The following GPATCH8 variants were observed in gnomAD, a reference collection of about 807,000 sequenced individuals.
GPATCH8 encodes G-patch domain containing 8.
Under a neutral mutation model 118.3 loss-of-function variants are expected in GPATCH8, and 18 were observed. The ratio of observed to expected loss-of-function variants is 0.15; its 90% confidence interval spans 0.11 to 0.23. GPATCH8 has a LOEUF of 0.23. Ranked by LOEUF, GPATCH8 falls within the 10% of genes least tolerant of loss-of-function variation. GPATCH8 has a pLI of 1.00. For synonymous variants in GPATCH8, 659 were observed against 684.7 expected, an observed-to-expected ratio of 0.96 and a Z score of 0.59; for missense variants, 1,631 against 1,873.8, an observed-to-expected ratio of 0.87 and a Z score of 2.39.
Position 44,398,796 on chromosome 17 carries a change from A to C in GPATCH8, c.3281T>G (p.Leu1094Arg). 6.2e-7 allele frequency: 1 copy of C among 1,613,980 alleles called. No individual in the cohort carries two copies. Among genetic ancestry groups the C allele is most frequent in the Non-Finnish European group, 8.5e-7 (1 of 1,179,880 alleles). The change falls in exon 8 of 8, where the codon CTG becomes CGG. Residue 1094 changes from leucine (L) to arginine (R), a missense_variant. Transcript: ENST00000591680. ...CACTTTCCTTGACTGGATCTTCTCC[A>C]GTAGCAGTTTGGCAGTGACAGAGTT... ...DKNSVTAKLL[L>R]EKIQSRKVER...
At chr17:44,463,242 G>C (rs1491000050) in intron 3 of GPATCH8, among the ~76,000 whole-genome samples, 2 of 151,990 alleles carry the variant, frequency 1.3e-5, no homozygotes, top group African/African-American at 2.4e-5. Flanking sequence ...CAACACACTT[G>C]AATTGATCAG....
At chr17:44,423,087 A>T (rs2049971865) in intron 6 of GPATCH8, among the ~76,000 whole-genome samples, 1 of 151,924 alleles carries the variant, frequency 6.6e-6, no homozygotes, top group Admixed American at 6.6e-5. Flanking sequence ...CTAAAAATAC[A>T]AAAATTAGCT....
At position 44,429,713 on chromosome 17, in the gene GPATCH8, A is replaced by C. The variant is rs112708861; in HGVS notation, c.349-5221T>G. Reference sequence around the variant, plus strand: ...AACAACAAACAAACAAACAAACAAAAACCAGCTGAGCATGGTGGCACGTGT... The same window carrying C: ...AACAACAAACAAACAAACAAACAAACACCAGCTGAGCATGGTGGCACGTGT... On this transcript the variant is annotated intron_variant, in intron 5 of 7. Coordinates refer to ENST00000591680, the MANE Select transcript of GPATCH8 (RefSeq NM_001002909.4). 4.2e-3 allele frequency among the ~76,000 whole-genome samples: 625 copies of C among 148,322 alleles called. 9 individuals carry two copies. The highest frequency in any genetic ancestry group is 0.014 in the African/African-American group (570 of 39,928).
rs1003265807 is a variant in GPATCH8 at position 44,503,020 on chromosome 17, G to T, written c.45+306C>A. 3.9e-5 allele frequency among the ~76,000 whole-genome samples: 6 copies of T among 152,190 alleles called. No individual in the cohort carries two copies. The South Asian group carries it at 1.2e-3, about 31-fold the overall frequency. The stretch of plus-strand genomic sequence containing the variant: ...TGGGAGCCAGCCCTTCGCCGGCACA[G>T]ATCGGGCAGACCTGGAGGGCACAGC... On this transcript the variant is annotated intron_variant, in intron 1 of 7. Coordinates refer to ENST00000591680, the MANE Select transcript of GPATCH8 (RefSeq NM_001002909.4).
chr17:44,401,537 T>C (rs1311945906), intron 7 of GPATCH8, 84 bp from the exon 8 acceptor site: 7 of 876,182 alleles, frequency 8.0e-6, no homozygotes, highest in Admixed American at 5.1e-5. Flanking sequence ...TAATCTCTTA[T>C]ATCCTATCAT....
chr17:44,406,500 G>GGC (rs1555622815), intron 6 of GPATCH8, among the ~76,000 whole-genome samples: 1 of 129,084 alleles, frequency 7.7e-6, no homozygotes, highest in African/African-American at 2.9e-5. Context: ...CTTACATGGG[G>GGC]GGGGGGGGTT....
At chr17:44,421,224 C>A (rs2049888769) in intron 6 of GPATCH8, among the ~76,000 whole-genome samples, 1 of 151,802 alleles carries the variant, frequency 6.6e-6, no homozygotes, top group Admixed American at 6.6e-5. Context: ...GCCTGTAATT[C>A]CAGCTACTCT....
Position 44,398,279 on chromosome 17 carries a change from C to T in GPATCH8, c.3798G>A (p.Glu1266=). 6.2e-7 allele frequency: 1 copy of T among 1,613,592 alleles called. No homozygotes were observed. Among genetic ancestry groups the T allele is most frequent in the Non-Finnish European group, 8.5e-7 (1 of 1,179,700 alleles). The part of the protein sequence containing the change: ...LDSSSQPGPV[E]SSLLPIAPDL... ...CTGGTGCTATAGGCAGCAAGCTGGACTCCACAGGGCCTGGCTGACTGCTGC... is the reference window on the plus strand; with the variant it reads ...CTGGTGCTATAGGCAGCAAGCTGGATTCCACAGGGCCTGGCTGACTGCTGC... The change falls in exon 8 of 8, where the codon GAG becomes GAA. Residue 1266 remains glutamate (E), a synonymous_variant. Transcript: ENST00000591680.
chr17:44,448,629 C>T (rs1266274687), intron 3 of GPATCH8, among the ~76,000 whole-genome samples: 1 of 150,922 alleles, frequency 6.6e-6, no homozygotes, highest in Non-Finnish European at 1.5e-5. Flanking sequence ...CCCTTTTGCT[C>T]ACTTAAGAAG....
At chr17:44,459,568 T>C (rs910174590) in intron 3 of GPATCH8, among the ~76,000 whole-genome samples, 5 of 152,150 alleles carry the variant, frequency 3.3e-5, no homozygotes, top group African/African-American at 9.7e-5. Flanking sequence ...ACCAAGTACT[T>C]TTACACAAAA....
intron 1 of GPATCH8, among the ~76,000 whole-genome samples, chr17:44,492,089 C>G (rs1440139717): frequency 6.6e-6 from 1 of 151,802 alleles, no homozygotes; most frequent in Non-Finnish European, 1.5e-5. Flanking sequence ...CACCTGAGGT[C>G]AAGAGTTCAA....
At chr17:44,475,024 T>C in intron 1 of GPATCH8, 121 bp from the exon 2 acceptor site, 1 of 667,384 alleles carries the variant, frequency 1.5e-6, no homozygotes, top group Non-Finnish European at 2.7e-6. Flanking sequence ...AAAAGGACAC[T>C]GCAATCGTTC....
Position 44,398,580 on chromosome 17 carries a change from A to C in GPATCH8, c.3497T>G (p.Leu1166Trp). The C allele has an allele frequency of 6.4e-7, 1 of 1,562,516 alleles. No individual in the cohort carries two copies. The highest frequency in any genetic ancestry group is 2.0e-5 in the Admixed American group (1 of 50,948). The change falls in exon 8 of 8, where the codon TTG (leucine) becomes TGG (tryptophan). Residue 1166 changes from leucine (L) to tryptophan (W), a missense_variant. By Grantham distance (61) the Leu-to-Trp change is moderately conservative. This residue lies in a region of GPATCH8 where 922 missense variants were observed against 879.7 expected (regional missense o/e 1.05). Coordinates refer to ENST00000591680, the MANE Select transcript of GPATCH8 (RefSeq NM_001002909.4). ...KPNKKCEESGLERGEEQEQSE... is the reference protein window; with the variant it reads ...KPNKKCEESGWERGEEQEQSE... ...CTGTTCTTGCTCTTCCCCCCTTTCC[A>C]AGCCAGACTCTTCACACTTCTTATT...
intron 1 of GPATCH8, among the ~76,000 whole-genome samples, chr17:44,491,473 C>T (rs139799862): frequency 0.034 from 4,651 of 135,470 alleles, 155 homozygotes; most frequent in East Asian, 0.16. Flanking sequence ...GGTGACAGAG[C>T]GAGACTCCGT....
At chr17:44,430,791 C>T (rs1288484354) in intron 5 of GPATCH8, among the ~76,000 whole-genome samples, 1 of 148,400 alleles carries the variant, frequency 6.7e-6, no homozygotes, top group Non-Finnish European at 1.5e-5. Context: ...TACAGGCACA[C>T]AACACCACGC....
At chr17:44,436,839 A>G (rs1454720617) in intron 3 of GPATCH8, 2 of 375,740 alleles carry the variant, frequency 5.3e-6, no homozygotes, top group African/African-American at 4.1e-5. Context: ...GGAGGTTTAA[A>G]TTGTAAAACT....
At chr17:44,429,701 C>T (rs1422865805) in intron 5 of GPATCH8, among the ~76,000 whole-genome samples, 1 of 146,138 alleles carries the variant, frequency 6.8e-6, no homozygotes, top group Admixed American at 6.8e-5. Flanking sequence ...AACAAACAAA[C>T]AAACAAACAA....
chr17:44,475,982 TC>T (rs1360288177), intron 1 of GPATCH8, among the ~76,000 whole-genome samples: 1 of 152,082 alleles, frequency 6.6e-6, no homozygotes, highest in Non-Finnish European at 1.5e-5. Flanking sequence ...TGAGCTGTGA[TC>T]AAGCCACTGC....
chr17:44,458,104 A>T (rs2051405017), intron 3 of GPATCH8, among the ~76,000 whole-genome samples: 1 of 150,722 alleles, frequency 6.6e-6, no homozygotes, highest in Non-Finnish European at 1.5e-5. Flanking sequence ...AAAAAAAAAA[A>T]ATTAGGCATG....
Sources: allele counts gnomAD v4.1 joint callset (sites outside exome capture counted in the v4.1 genomes callset), GRCh38; gene constraint gnomAD v4.1.1; regional missense constraint gnomAD v4.1.1; transcripts MANE v1.5; gene names NCBI Gene and HGNC (gene_info 2026-07-23, HGNC 2026-07-21).